GRM8: variants seen among roughly 807,000 people sequenced by gnomAD.
GRM8 encodes the protein metabotropic glutamate receptor 8.
GRM8 carries 47 observed loss-of-function variants against 87.2 expected under a neutral mutation model. The observed-to-expected ratio is 0.54, with a 90% confidence interval of 0.43 to 0.69. GRM8 has a LOEUF of 0.69. GRM8 is among the 30% of genes least tolerant of loss of function. The pLI, the probability that GRM8 is intolerant of heterozygous loss-of-function variation, is 0.00. For synonymous variants in GRM8, 396 were observed against 404.5 expected (o/e 0.98, Z 0.25); for missense variants, 1,019 against 1,139.2 (o/e 0.89, Z 1.52).
At chr7:126,593,997 C>A (rs529990600) in intron 8 of GRM8, among the ~76,000 whole-genome samples, 1 of 151,892 alleles carries the variant, frequency 6.6e-6, no homozygotes, top group Admixed American at 6.6e-5. Flanking sequence ...TGAAAAAACG[C>A]CCAACATCAC....
intron 9 of GRM8, among the ~76,000 whole-genome samples, chr7:126,464,168 T>C (rs10954113): frequency 0.56 from 85,428 of 151,404 alleles, 24,338 homozygotes; most frequent in Middle Eastern, 0.74. Context: ...AAGTTTCTTG[T>C]ATGTATAATG....
intron 9 of GRM8, among the ~76,000 whole-genome samples, chr7:126,504,198 A>G (rs543759690): frequency 1.2e-4 from 19 of 152,168 alleles, no homozygotes; most frequent in African/African-American, 4.3e-4. Flanking sequence ...TCACAGAATC[A>G]TATGTCTTTA....
At chr7:126,856,819 T>A (rs1679563646) in intron 6 of GRM8, among the ~76,000 whole-genome samples, 1 of 152,180 alleles carries the variant, frequency 6.6e-6, no homozygotes, top group South Asian at 2.1e-4. Context: ...CCCATCAAAG[T>A]GACATATTAT....
At chr7:126,649,538 T>A (rs187925911) in intron 7 of GRM8, among the ~76,000 whole-genome samples, 190 of 152,174 alleles carry the variant, frequency 1.2e-3, no homozygotes, top group Non-Finnish European at 1.2e-3. Flanking sequence ...AAACTGTCTT[T>A]TATATATATA....
chr7:126,566,885 A>G (rs138763832), intron 8 of GRM8, among the ~76,000 whole-genome samples: 51 of 152,342 alleles, frequency 3.3e-4, no homozygotes, highest in African/African-American at 1.2e-3. Flanking sequence ...GACAACATAA[A>G]CAAACCTTAA....
chr7:126,857,238 C>T (rs1290210835), intron 6 of GRM8, among the ~76,000 whole-genome samples: 1 of 152,180 alleles, frequency 6.6e-6, no homozygotes, highest in African/African-American at 2.4e-5. Flanking sequence ...CTAGAGGAGT[C>T]TGTCTAAGCT....
chr7:126,568,457 G>A lies in GRM8; in HGVS notation c.1495-34570C>T, dbSNP rs574293207. Among the ~76,000 whole-genome samples, 4 of 152,154 alleles carry A rather than the reference G, an allele frequency of 2.6e-5. No individual in the cohort carries two copies. In the East Asian group the frequency reaches 5.8e-4, roughly 22 times the overall value. On this transcript the variant is annotated intron_variant, in intron 8 of 10. Coordinates refer to ENST00000339582, the MANE Select transcript of GRM8 (RefSeq NM_000845.3). ...TACCTGATTAGCATACAAAACATCT[G>A]GGTTTCTAGGTTACATTTCTCCAAG...
intron 7 of GRM8, among the ~76,000 whole-genome samples, chr7:126,700,863 T>G (rs966008810): frequency 5.9e-5 from 9 of 152,140 alleles, no homozygotes; most frequent in Non-Finnish European, 1.0e-4. Context: ...CCCAAGATAC[T>G]TTGTGTTTAT....
At chr7:126,584,639 A>T (rs1044473293) in intron 8 of GRM8, among the ~76,000 whole-genome samples, 8 of 152,182 alleles carry the variant, frequency 5.3e-5, no homozygotes, top group African/African-American at 1.9e-4. Flanking sequence ...ATAAACCATA[A>T]AAACTCCTAA....
chr7:126,759,452 C>A (rs11769491), intron 7 of GRM8, among the ~76,000 whole-genome samples: 56,962 of 151,748 alleles, frequency 0.38, 12,269 homozygotes, highest in Non-Finnish European at 0.48. Context: ...AGAATGAACC[C>A]CACCTGGTCC....
intron 9 of GRM8, among the ~76,000 whole-genome samples, chr7:126,505,121 G>A (rs1336653235): frequency 6.6e-6 from 1 of 151,942 alleles, no homozygotes; most frequent in African/African-American, 2.4e-5. Context: ...ACGGATGCAA[G>A]CAAACCTTCA....
intron 3 of GRM8, among the ~76,000 whole-genome samples, chr7:126,962,962 C>T (rs1246909289): frequency 6.6e-6 from 1 of 152,172 alleles, no homozygotes; most frequent in African/African-American, 2.4e-5. Context: ...TTGACCCTAA[C>T]TTCTCTTCCT....
intron 6 of GRM8, among the ~76,000 whole-genome samples, chr7:126,838,779 A>G (rs1052913824): frequency 6.6e-6 from 1 of 152,216 alleles, no homozygotes; most frequent in African/African-American, 2.4e-5. Context: ...AGGCTGTGAA[A>G]GAAAATGTTA....
chr7:126,551,161 C>T (rs1339938070), intron 8 of GRM8, among the ~76,000 whole-genome samples: 3 of 151,990 alleles, frequency 2.0e-5, no homozygotes, highest in Non-Finnish European at 4.4e-5. Context: ...CTTTCTTCAC[C>T]ATACCTTTAG....
chr7:126,725,658 T>C (rs1349734939), intron 7 of GRM8, among the ~76,000 whole-genome samples: 1 of 152,174 alleles, frequency 6.6e-6, no homozygotes, highest in Non-Finnish European at 1.5e-5. Context: ...AATAAATAAA[T>C]ATCTGGGACT....
chr7:126,808,764 C>A (rs1563207271), intron 6 of GRM8, among the ~76,000 whole-genome samples: 2 of 152,106 alleles, frequency 1.3e-5, no homozygotes, highest in Non-Finnish European at 1.5e-5. Flanking sequence ...AAATGCAAAC[C>A]AGAAGAACTA....
intron 7 of GRM8, among the ~76,000 whole-genome samples, chr7:126,656,844 A>T (rs1028876249): frequency 1.3e-5 from 2 of 152,220 alleles, no homozygotes; most frequent in Non-Finnish European, 2.9e-5. Flanking sequence ...TATGCCTCTC[A>T]TCAGTAAGCA....
At chr7:126,709,697 T>C (rs1810904484) in intron 7 of GRM8, among the ~76,000 whole-genome samples, 1 of 152,006 alleles carries the variant, frequency 6.6e-6, no homozygotes, top group South Asian at 2.1e-4. Context: ...AAAATAAATA[T>C]TTTGGGGAGA....
At chr7:126,619,087 C>A (rs146554874) in intron 7 of GRM8, among the ~76,000 whole-genome samples, 3 of 152,216 alleles carry the variant, frequency 2.0e-5, no homozygotes, top group South Asian at 4.2e-4. Flanking sequence ...ATGTTTATTG[C>A]GGCACTATTC....
Sources: gnomAD v4.1 joint callset for allele counts (sites outside exome capture counted in the v4.1 genomes callset) on GRCh38, gnomAD v4.1.1 for gene constraint, MANE v1.5 for transcripts, NCBI Gene and HGNC (gene_info 2026-07-23, HGNC 2026-07-21) for gene names.